The following TRPM1 variants were observed in gnomAD, a reference collection of about 807,000 sequenced individuals.
TRPM1 encodes transient receptor potential cation channel subfamily M member 1, also known as TRPM1-203 APA Isoform, Intron 10.
In TRPM1, 113 loss-of-function variants were observed where a neutral mutation model predicts 149.4. The observed-to-expected ratio is 0.76, with a 90% CI of 0.65 to 0.88. The LOEUF is 0.88. TRPM1 is among the 40% of genes least tolerant of loss of function. The pLI is 0.00. For synonymous variants in TRPM1, 741 were observed against 759.5 expected (o/e 0.98, Z 0.40); for missense variants, 1,976 against 2,038.7 (o/e 0.97, Z 0.59).
At chr15:31,125,881 A>G (rs1353829566) in intron 1 of TRPM1, among the ~76,000 whole-genome samples, 1 of 152,154 alleles carries the variant, frequency 6.6e-6, no homozygotes, top group Non-Finnish European at 1.5e-5. Context: ...TTGTAATCCC[A>G]GCACTTTGGC....
intron 1 of TRPM1, among the ~76,000 whole-genome samples, chr15:31,120,485 A>C (rs1407909213): frequency 6.6e-6 from 1 of 152,242 alleles, no homozygotes; most frequent in Non-Finnish European, 1.5e-5. Context: ...TCAGTAATTT[A>C]TGGATCCAAC....
At chr15:31,112,966 G>A (rs1196854194) in intron 1 of TRPM1, among the ~76,000 whole-genome samples, 2 of 152,118 alleles carry the variant, frequency 1.3e-5, no homozygotes, top group African/African-American at 2.4e-5. Context: ...AGAGGACTTG[G>A]GAAAAACTCG....
rs777955095 is a variant in TRPM1 at position 31,002,466 on chromosome 15, G to A, written c.4234C>T (p.Gln1412Ter). 1.2e-6 allele frequency: 2 copies of A among 1,614,070 alleles called. No homozygotes were observed. The highest frequency in any genetic ancestry group is 2.7e-5 in the African/African-American group (2 of 74,922). Residue 1412 changes from glutamine to a stop codon, truncating the protein, a stop_gained, in exon 28 of 28, where the codon CAG becomes TAG. Transcript: ENST00000256552. LOFTEE classifies it low-confidence loss of function (END_TRUNC). ...SLNKTDVIHG[Q>*]DKSDVQNTQL... ...GTGTTTTGAACATCTGATTTGTCCT[G>A]TCCATGTATCACATCTGTTTTATTT...
intron 22 of TRPM1, among the ~76,000 whole-genome samples, chr15:31,032,451 G>A (rs1041929229): frequency 3.9e-5 from 6 of 151,974 alleles, no homozygotes; most frequent in Non-Finnish European, 8.8e-5. Context: ...CACTATATAT[G>A]TATATATGTT....
At chr15:31,029,445 G>A in intron 23 of TRPM1, 54 bp from the exon 24 acceptor site, 14 of 1,579,258 alleles carry the variant, frequency 8.9e-6, no homozygotes, top group Non-Finnish European at 1.1e-5. Context: ...TGACAGGAGG[G>A]GAGGAAAGAA....
intron 1 of TRPM1, among the ~76,000 whole-genome samples, chr15:31,122,939 T>C (rs1051361993): frequency 3.9e-5 from 6 of 152,224 alleles, no homozygotes; most frequent in Non-Finnish European, 8.8e-5. Flanking sequence ...CAAGATTTAC[T>C]ATAAAGCTAT....
Position 31,101,646 on chromosome 15 carries a change from T to C in TRPM1, c.-84+11A>G, listed in dbSNP as rs1220242964. 5 of 985,678 alleles carry C rather than the reference T, an allele frequency of 5.1e-6. No homozygotes were observed. Among genetic ancestry groups the C allele is most frequent in the African/African-American group, 1.7e-5 (1 of 57,264 alleles). The allele number at this position is 985,678 out of a possible 1,614,324, so 61.1% of individuals were successfully genotyped here. ...CTCCCTTCACCTGTGCTTACCCGCA[T>C]CTGAGCTTACCTGCCACAGCAGTGG... On this transcript the variant is annotated intron_variant, in intron 1 of 27. Transcript: ENST00000256552.
At chr15:31,075,935 C>T (rs1221703245) in intron 3 of TRPM1, among the ~76,000 whole-genome samples, 2 of 150,028 alleles carry the variant, frequency 1.3e-5, no homozygotes, top group Non-Finnish European at 2.9e-5. Flanking sequence ...ATCAAGGAGG[C>T]TTGTATGTGA....
At chr15:31,060,148 AAC>A (rs1300631810) in intron 11 of TRPM1, 880 of 170,124 alleles carry the variant, frequency 5.2e-3, no homozygotes, top group Middle Eastern at 0.011. Context: ...CACACACATA[AAC>A]ACACACACAC....
At chr15:31,118,275 A>C (rs760079389) in intron 1 of TRPM1, among the ~76,000 whole-genome samples, 1 of 152,150 alleles carries the variant, frequency 6.6e-6, no homozygotes. Flanking sequence ...ATATAATAAA[A>C]ATAAATAAAT....
At chr15:31,082,443 C>G (rs2034886861) in intron 1 of TRPM1, among the ~76,000 whole-genome samples, 1 of 152,196 alleles carries the variant, frequency 6.6e-6, no homozygotes, top group Non-Finnish European at 1.5e-5. Flanking sequence ...ATTTTCTCAT[C>G]TCTGAAATGG....
intron 1 of TRPM1, among the ~76,000 whole-genome samples, chr15:31,126,303 A>G (rs916594792): frequency 6.6e-6 from 1 of 152,246 alleles, no homozygotes; most frequent in African/African-American, 2.4e-5. Context: ...GAATGCAGTT[A>G]ACAAAACTGA....
At chr15:31,146,011 C>T (rs2036220309) in intron 1 of TRPM1, among the ~76,000 whole-genome samples, 1 of 152,014 alleles carries the variant, frequency 6.6e-6, no homozygotes, top group South Asian at 2.1e-4. Flanking sequence ...TGAATGTGGG[C>T]CTCATTCAAA....
intron 11 of TRPM1, among the ~76,000 whole-genome samples, chr15:31,059,336 G>A (rs2034164860): frequency 6.6e-6 from 1 of 152,228 alleles, no homozygotes; most frequent in Non-Finnish European, 1.5e-5. Flanking sequence ...CCTAAACACA[G>A]AGGCAGTTAA....
Position 31,066,182 on chromosome 15 carries a change from G to A in TRPM1, c.684C>T (p.His228=), listed in dbSNP as rs1255488638. 1 of 1,614,216 alleles carries A rather than the reference G, an allele frequency of 6.2e-7. No individual in the cohort carries two copies. ...LSKLSVLNNS[H]THFILADNGT... ...CATTGTCAGCCAGGATGAAGTGGGT[G>A]TGGGAGTTGTTGAGCACAGAGAGCT... The change falls in exon 7 of 28, where the codon CAC becomes CAT. Residue 228 remains histidine, a synonymous_variant. Coordinates refer to ENST00000256552, the MANE Select transcript of TRPM1 (RefSeq NM_001252024.2).
chr15:31,089,544 TGGG>T (rs774388336), intron 1 of TRPM1, among the ~76,000 whole-genome samples: 1 of 152,008 alleles, frequency 6.6e-6, no homozygotes, highest in Non-Finnish European at 1.5e-5. Context: ...CAGCGGTGGA[TGGG>T]GGGCCGAGAC....
intron 27 of TRPM1, among the ~76,000 whole-genome samples, chr15:31,016,205 A>G (rs1048535483): frequency 1.3e-5 from 2 of 152,252 alleles, no homozygotes; most frequent in African/African-American, 4.8e-5. Flanking sequence ...ATTTTTCAAA[A>G]TAATATTCAC....
intron 24 of TRPM1, 135 bp from the exon 25 acceptor site, chr15:31,028,611 TG>T: frequency 2.6e-6 from 3 of 1,170,428 alleles, no homozygotes; most frequent in Non-Finnish European, 3.6e-6. Context: ...ATTTTTTCCA[TG>T]GGAAAAAATA....
intron 1 of TRPM1, among the ~76,000 whole-genome samples, chr15:31,147,202 C>T (rs1235220642): frequency 2.0e-5 from 3 of 152,232 alleles, no homozygotes; most frequent in African/African-American, 7.2e-5. Context: ...TCACAGTCAT[C>T]ACTGGATCCC....
Sources: allele counts gnomAD v4.1 joint callset (sites outside exome capture counted in the v4.1 genomes callset), GRCh38; gene constraint gnomAD v4.1.1; transcripts MANE v1.5; gene names NCBI Gene and HGNC (gene_info 2026-07-23, HGNC 2026-07-21).